SCHIP1: variants seen among roughly 807,000 people sequenced by gnomAD.
The protein encoded by SCHIP1 is schwannomin-interacting protein 1.
SCHIP1 carries 8 observed loss-of-function variants against 29.7 expected under a neutral mutation model. That is an observed-to-expected ratio of 0.27 (90% CI 0.16 to 0.49). The LOEUF (loss-of-function observed/expected upper bound fraction) is 0.49, where lower values mean the gene tolerates loss of function less well. Ranked by LOEUF, SCHIP1 falls within the 20% of genes least tolerant of loss-of-function variation. The probability of loss-of-function intolerance (pLI) is 0.99; values close to 1 mark genes in which losing one functional copy is unlikely to be tolerated. For missense variants in SCHIP1, 193 were observed against 294.6 expected, an observed-to-expected ratio of 0.66 and a Z score of 2.52; for synonymous variants, 76 against 94.9, an observed-to-expected ratio of 0.80 and a Z score of 1.16.
At chr3:159,468,742 A>G in the SCHIP1 span, among the ~76,000 whole-genome samples, 1 of 122,520 alleles carries the variant, frequency 8.2e-6, no homozygotes, top group South Asian at 2.5e-4. Flanking sequence ...AATATAATAT[A>G]TAATATATAA....
the SCHIP1 span, among the ~76,000 whole-genome samples, chr3:159,575,039 C>A: frequency 7.7e-4 from 118 of 152,320 alleles, 1 homozygote; most frequent in Middle Eastern, 6.8e-3. Flanking sequence ...AAAGGATATC[C>A]CCCAACCCCT....
At chr3:159,658,505 C>T in the SCHIP1 span, among the ~76,000 whole-genome samples, 1 of 152,104 alleles carries the variant, frequency 6.6e-6, no homozygotes, top group African/African-American at 2.4e-5. Context: ...TACTTGTGTC[C>T]AAGATACCCC....
the SCHIP1 span, among the ~76,000 whole-genome samples, chr3:159,524,273 T>G: frequency 6.6e-5 from 10 of 152,212 alleles, no homozygotes; most frequent in Non-Finnish European, 4.4e-5. Context: ...TCACAGTGAG[T>G]GCTTATTTCT....
the SCHIP1 span, among the ~76,000 whole-genome samples, chr3:159,499,833 T>C: frequency 6.6e-6 from 1 of 152,212 alleles, no homozygotes; most frequent in Non-Finnish European, 1.5e-5. Flanking sequence ...ATTTTATAAA[T>C]GAGGAAACTG....
chr3:159,341,642 C>T, the SCHIP1 span, among the ~76,000 whole-genome samples: 2 of 152,172 alleles, frequency 1.3e-5, no homozygotes, highest in Non-Finnish European at 2.9e-5. Context: ...GAAGGGTTTG[C>T]CACTTTCTCG....
At chr3:159,304,837 T>C in the SCHIP1 span, among the ~76,000 whole-genome samples, 1 of 152,150 alleles carries the variant, frequency 6.6e-6, no homozygotes, top group African/African-American at 2.4e-5. Flanking sequence ...GGACTTAGCA[T>C]TAAATAACAT....
chr3:159,450,818 T>C, the SCHIP1 span, among the ~76,000 whole-genome samples: 1 of 149,654 alleles, frequency 6.7e-6, no homozygotes, highest in African/African-American at 2.5e-5. Context: ...TTTTTTTTTT[T>C]TTTTTTTTGA....
chr3:159,501,775 G>A, the SCHIP1 span, among the ~76,000 whole-genome samples: 2 of 152,014 alleles, frequency 1.3e-5, no homozygotes, highest in Non-Finnish European at 1.5e-5. Flanking sequence ...AAAACTAGTG[G>A]CATCACTAAT....
chr3:159,435,397 C>G, the SCHIP1 span, among the ~76,000 whole-genome samples: 1 of 152,116 alleles, frequency 6.6e-6, no homozygotes, highest in Non-Finnish European at 1.5e-5. Flanking sequence ...AAACAAGCCC[C>G]AAACACTTCA....
upstream of SCHIP1, among the ~76,000 whole-genome samples, chr3:159,835,359 G>A (rs898503745): frequency 6.6e-6 from 1 of 152,108 alleles, no homozygotes; most frequent in Admixed American, 6.5e-5. Context: ...AAACTTTCTG[G>A]CATAAGCCGT....
chr3:159,878,734 C>T (rs1423231475), intron 2 of SCHIP1, among the ~76,000 whole-genome samples: 3 of 149,198 alleles, frequency 2.0e-5, no homozygotes, highest in East Asian at 3.9e-4. Context: ...GCCGAGATCC[C>T]GCCACTGCAC....
chr3:159,805,404 G>A, the SCHIP1 span, among the ~76,000 whole-genome samples: 3 of 152,130 alleles, frequency 2.0e-5, no homozygotes, highest in Non-Finnish European at 4.4e-5. Flanking sequence ...GAATCACAGC[G>A]GCTGTGACAC....
At chr3:159,626,632 G>C in the SCHIP1 span, among the ~76,000 whole-genome samples, 1 of 152,108 alleles carries the variant, frequency 6.6e-6, no homozygotes, top group African/African-American at 2.4e-5. Flanking sequence ...ATAACAGTTT[G>C]CCTGGTGTAG....
upstream of SCHIP1, among the ~76,000 whole-genome samples, chr3:159,839,678 G>C (rs1267881758): frequency 9.0e-6 from 1 of 110,908 alleles, no homozygotes; most frequent in South Asian, 3.1e-4. Flanking sequence ...CAGCCAAGCA[G>C]CCTTAGTGGG....
chr3:159,498,541 C>T, the SCHIP1 span, among the ~76,000 whole-genome samples: 2 of 152,084 alleles, frequency 1.3e-5, no homozygotes, highest in Non-Finnish European at 2.9e-5. Context: ...GGAAGTCTGC[C>T]TTAAGGTGGA....
the SCHIP1 span, among the ~76,000 whole-genome samples, chr3:159,326,617 G>A: frequency 6.6e-6 from 1 of 151,978 alleles, no homozygotes; most frequent in East Asian, 1.9e-4. Context: ...TGATATTAAG[G>A]TTAGATTTAA....
the SCHIP1 span, chr3:159,399,025 C>T: frequency 3.7e-5 from 28 of 759,356 alleles, no homozygotes; most frequent in Non-Finnish European, 3.4e-5. Context: ...TTCTAGTGCC[C>T]ACCCCAAACC....
intron 1 of SCHIP1, among the ~76,000 whole-genome samples, chr3:159,862,570 A>C (rs1714174309): frequency 6.6e-6 from 1 of 152,236 alleles, no homozygotes; most frequent in African/African-American, 2.4e-5. Flanking sequence ...AGCCACTGAC[A>C]GCATGACAGA....
At chr3:159,349,799 A>C in the SCHIP1 span, among the ~76,000 whole-genome samples, 1 of 152,302 alleles carries the variant, frequency 6.6e-6, no homozygotes, top group African/African-American at 2.4e-5. Flanking sequence ...CTTATGTTTA[A>C]ATAGAAGATG....
Sources: gnomAD v4.1 joint callset for allele counts (sites outside exome capture counted in the v4.1 genomes callset) on GRCh38, gnomAD v4.1.1 for gene constraint, MANE v1.5 for transcripts, NCBI Gene and HGNC (gene_info 2026-07-23, HGNC 2026-07-21) for gene names.